FNDC3B: variants seen among roughly 807,000 people sequenced by gnomAD.
FNDC3B encodes the protein fibronectin type III domain containing 3B, also known as fibronectin type III domain-containing protein 3B.
A neutral mutation model predicts 151.5 loss-of-function variants in FNDC3B; 12 were observed. That is an observed-to-expected ratio of 0.08 (90% confidence interval 0.05 to 0.13). The LOEUF is 0.13. Among genes scored for constraint, FNDC3B ranks in the 10% least tolerant of loss-of-function variants. The pLI, the probability that FNDC3B is intolerant of heterozygous loss-of-function variation, is 1.00. For synonymous variants in FNDC3B, 528 were observed against 549.0 expected, an observed-to-expected ratio of 0.96 and a Z score of 0.54; for missense variants, 1,214 against 1,505.3, an observed-to-expected ratio of 0.81 and a Z score of 3.20.
chr3:172,040,524 CG>C lies in FNDC3B; in HGVS notation c.-29+754del, dbSNP rs1715978931. 6.6e-6 allele frequency: 1 copy of C among 151,862 alleles called. No individual in the cohort carries two copies. Among genetic ancestry groups the C allele is most frequent in the African/African-American group, 2.4e-5 (1 of 41,352 alleles). The allele number at this position is 151,862 out of a possible 1,614,324, so 9.4% of individuals were successfully genotyped here. The stretch of plus-strand genomic sequence containing the variant: ...CGGGCTGGGGGCGGTAACCGGCGGC[CG>C]CGGCCGGACTTGGCGAGCCGGCGGC... On this transcript the variant is annotated intron_variant, in intron 1 of 25. Transcript: ENST00000415807. This position sits in a 1 kb window ranked among gnomAD's most constrained non-coding sequence, Gnocchi z 6.6.
chr3:172,333,019 C>T, intron 13 of FNDC3B, 70 bp from the exon 14 acceptor site: 2 of 935,988 alleles, frequency 2.1e-6, no homozygotes, highest in Admixed American at 3.4e-5. Context: ...GTATAAAAAT[C>T]CTGTATTCAA....
At chr3:172,118,729 C>T (rs999381332) in intron 2 of FNDC3B, among the ~76,000 whole-genome samples, 3 of 152,160 alleles carry the variant, frequency 2.0e-5, no homozygotes, top group Admixed American at 6.5e-5. Flanking sequence ...CATCAAGATG[C>T]GTGAGAAATG....
At chr3:172,208,975 C>T (rs962177906) in intron 3 of FNDC3B, among the ~76,000 whole-genome samples, 2 of 152,026 alleles carry the variant, frequency 1.3e-5, no homozygotes, top group East Asian at 1.9e-4. Flanking sequence ...AACACAGTGG[C>T]GCCTGAAAGC....
At chr3:172,172,986 C>T (rs1723358680) in intron 3 of FNDC3B, among the ~76,000 whole-genome samples, 1 of 152,072 alleles carries the variant, frequency 6.6e-6, no homozygotes, top group Admixed American at 6.5e-5. Flanking sequence ...TAATTTAGTG[C>T]CTGTATAATG....
At chr3:172,100,226 A>G (rs1308296904) in intron 1 of FNDC3B, among the ~76,000 whole-genome samples, 2 of 152,218 alleles carry the variant, frequency 1.3e-5, no homozygotes, top group Non-Finnish European at 2.9e-5. Context: ...TGTCTTGCAC[A>G]GAGGAGAAAC....
chr3:172,130,266 C>A (rs1721004696), intron 2 of FNDC3B, among the ~76,000 whole-genome samples: 1 of 152,108 alleles, frequency 6.6e-6, no homozygotes, highest in Admixed American at 6.5e-5. Flanking sequence ...TACCTCAGTG[C>A]CAAGATGAAT....
intron 12 of FNDC3B, 70 bp downstream of exon 12, chr3:172,329,146 T>A: frequency 1.3e-6 from 2 of 1,523,248 alleles, no homozygotes; most frequent in Non-Finnish European, 1.8e-6. Context: ...TTTACATAGC[T>A]GGAAGGCATG....
intron 25 of FNDC3B, among the ~76,000 whole-genome samples, chr3:172,388,487 A>G (rs1523326): frequency 0.95 from 144,234 of 152,264 alleles, 68,523 homozygotes; most frequent in East Asian, 1. Flanking sequence ...AAATGGAGCC[A>G]TGCCGTTTAA....
chr3:172,324,784 C>G (rs954021084), intron 11 of FNDC3B, among the ~76,000 whole-genome samples: 2 of 152,168 alleles, frequency 1.3e-5, no homozygotes, highest in East Asian at 3.8e-4. Flanking sequence ...TAGGTCTGTT[C>G]CAGAATGATC....
intron 1 of FNDC3B, among the ~76,000 whole-genome samples, chr3:172,062,312 C>T (rs1432544531): frequency 2.0e-5 from 3 of 151,456 alleles, no homozygotes; most frequent in East Asian, 3.9e-4. Context: ...TTTTCTCCTC[C>T]TTCTTTTTTT....
intron 3 of FNDC3B, among the ~76,000 whole-genome samples, chr3:172,171,621 A>G (rs1340375039): frequency 2.9e-5 from 4 of 137,138 alleles, no homozygotes; most frequent in East Asian, 2.1e-4. Flanking sequence ...TTTTTTTTGG[A>G]AAGTGCAGAG....
chr3:172,260,326 A>G (rs1728581261), intron 6 of FNDC3B, among the ~76,000 whole-genome samples: 2 of 152,262 alleles, frequency 1.3e-5, no homozygotes, highest in Admixed American at 6.5e-5. Context: ...TAAAATATGT[A>G]CTAGTTGGGA....
rs768433890 is a variant in FNDC3B, at chr3:172,251,436, C to T, written c.685C>T (p.His229Tyr). ...AGTATACAATGGCTATGGGAAGGGC[C>T]ATAGTGGTGGAAGTGGCGGAGGCGG... ...TTVYNGYGKGHSGGSGGGGSG... is the reference protein window; with the variant it reads ...TTVYNGYGKGYSGGSGGGGSG... The change falls in exon 6 of 26, where the codon CAT becomes TAT. Residue 229 changes from histidine (H) to tyrosine (Y), a missense_variant. His to Tyr is a moderately conservative substitution (Grantham distance 83). Around this residue, in one of 7 missense-constraint regions of FNDC3B, gnomAD observed 166 missense variants for 173.2 expected, o/e 0.96. Transcript: ENST00000415807. 55 of 1,613,934 alleles carry T rather than the reference C, an allele frequency of 3.4e-5. No homozygotes were observed. Among genetic ancestry groups the T allele is most frequent in the South Asian group, 8.8e-5 (8 of 91,088 alleles).
chr3:172,062,108 A>G (rs1021706432), intron 1 of FNDC3B, among the ~76,000 whole-genome samples: 1 of 152,142 alleles, frequency 6.6e-6, no homozygotes, highest in Admixed American at 6.5e-5. Context: ...ACATGCAATA[A>G]AGGACATGTC....
intron 2 of FNDC3B, among the ~76,000 whole-genome samples, chr3:172,127,346 C>T (rs1015340577): frequency 1.2e-4 from 19 of 152,156 alleles, no homozygotes; most frequent in Admixed American, 5.2e-4. Context: ...GGTGAAACCA[C>T]GCCTAGTAGA....
chr3:172,257,074 C>T (rs1728386291), intron 6 of FNDC3B, among the ~76,000 whole-genome samples: 1 of 152,156 alleles, frequency 6.6e-6, no homozygotes, highest in African/African-American at 2.4e-5. Flanking sequence ...CCATGCCTGG[C>T]TAATTTTTGT....
Position 172,352,774 on chromosome 3 carries a change from G to A in FNDC3B, c.2515-29G>A. Reference sequence around the variant, plus strand: ...TCAAAATGTGCTAATGGTGTAATATGGCCTTTGTCTTGCTGTTCTGTTTTG... The same window carrying A: ...TCAAAATGTGCTAATGGTGTAATATAGCCTTTGTCTTGCTGTTCTGTTTTG... On this transcript the variant is annotated intron_variant, in intron 21 of 25. Transcript: ENST00000415807. This position sits in a 1 kb window ranked among gnomAD's most constrained non-coding sequence, Gnocchi z 4.2. 1.2e-6 allele frequency: 2 copies of A among 1,604,452 alleles called. No homozygotes were observed. Among genetic ancestry groups the A allele is most frequent in the Non-Finnish European group, 1.7e-6 (2 of 1,176,356 alleles).
chr3:172,047,054 G>A (rs186467257), intron 1 of FNDC3B: 1 of 152,264 alleles, frequency 6.6e-6, no homozygotes, highest in East Asian at 1.9e-4. Flanking sequence ...AGAATGTAAG[G>A]ATACATCTTT....
intron 3 of FNDC3B, among the ~76,000 whole-genome samples, chr3:172,207,033 C>T (rs1341167447): frequency 6.6e-6 from 1 of 152,052 alleles, no homozygotes; most frequent in Non-Finnish European, 1.5e-5. Context: ...TTTGGAGGGG[C>T]TACCAAACTG....
Sources: gnomAD v4.1 joint callset for allele counts (sites outside exome capture counted in the v4.1 genomes callset) on GRCh38, gnomAD v4.1.1 for gene constraint, gnomAD v4.1.1 regional missense constraint, Gnocchi (gnomAD v3.1) non-coding constraint, MANE v1.5 for transcripts, NCBI Gene and HGNC (gene_info 2026-07-23, HGNC 2026-07-21) for gene names.